Variants in PHACTR3 observed in about 807,000 individuals in gnomAD.
The protein encoded by PHACTR3 is phosphatase and actin regulator 3.
In PHACTR3, 16 loss-of-function variants were observed where a neutral mutation model predicts 66.8. The observed-to-expected ratio is 0.24, with a 90% CI of 0.16 to 0.36. PHACTR3 has a LOEUF of 0.36. Among genes scored for constraint, PHACTR3 ranks in the 10% least tolerant of loss-of-function variants. PHACTR3 has a pLI of 1.00. For synonymous variants in PHACTR3, 323 were observed against 292.1 expected, an observed-to-expected ratio of 1.11 and a Z score of -1.08; for missense variants, 647 against 719.9, an observed-to-expected ratio of 0.90 and a Z score of 1.16.
intron 1 of PHACTR3, among the ~76,000 whole-genome samples, chr20:59,711,121 A>G (rs939483433): frequency 6.6e-6 from 1 of 152,148 alleles, no homozygotes; most frequent in Non-Finnish European, 1.5e-5. Context: ...TAAATATAGC[A>G]TGTGTCTTGA....
intron 1 of PHACTR3, among the ~76,000 whole-genome samples, chr20:59,725,229 TGTGTGCTCA>T (rs1310749165): frequency 0.025 from 3,759 of 151,970 alleles, 174 homozygotes; most frequent in African/African-American, 0.086. Flanking sequence ...CCAGGTGTCC[TGTGTGCTCA>T]GTGAGGTTGT....
intron 1 of PHACTR3, among the ~76,000 whole-genome samples, chr20:59,614,299 C>T (rs1262347655): frequency 6.6e-6 from 1 of 152,252 alleles, no homozygotes; most frequent in Non-Finnish European, 1.5e-5. Context: ...CACACAGAGG[C>T]AGATGTACTC....
chr20:59,592,695 T>C (rs752376226), intron 1 of PHACTR3, among the ~76,000 whole-genome samples: 8 of 152,246 alleles, frequency 5.3e-5, no homozygotes, highest in Non-Finnish European at 1.5e-5. Context: ...ATCTTTTTAT[T>C]GTCTCCATAA....
intron 1 of PHACTR3, among the ~76,000 whole-genome samples, chr20:59,658,565 T>G (rs2035701653): frequency 6.6e-6 from 1 of 152,196 alleles, no homozygotes; most frequent in Non-Finnish European, 1.5e-5. Context: ...GCTGCAGCCT[T>G]GGGAGTGTGC....
intron 1 of PHACTR3, among the ~76,000 whole-genome samples, chr20:59,690,571 A>G (rs1980599): frequency 0.6 from 91,840 of 152,048 alleles, 28,695 homozygotes; most frequent in East Asian, 0.93. Context: ...GGAGACCTTC[A>G]TTTGGTGGGG....
intron 1 of PHACTR3, among the ~76,000 whole-genome samples, chr20:59,677,708 A>G (rs2036499284): frequency 6.6e-6 from 1 of 152,204 alleles, no homozygotes; most frequent in Non-Finnish European, 1.5e-5. Context: ...AGGACAGGAA[A>G]TATGGGAAAT....
rs2042271819 is a variant in PHACTR3, at chr20:59,829,039, C to T, written c.1329-7466C>T. Among the ~76,000 whole-genome samples, 1 of 152,094 alleles carries T rather than the reference C, an allele frequency of 6.6e-6. No homozygotes were observed. Among genetic ancestry groups the T allele is most frequent in the Non-Finnish European group, 1.5e-5 (1 of 67,996 alleles). On this transcript the variant is annotated intron_variant, in intron 8 of 12. Coordinates refer to ENST00000371015, the MANE Select transcript of PHACTR3 (RefSeq NM_080672.5). The surrounding 1 kb of genome is among the most constrained non-coding windows in gnomAD (Gnocchi z 4.2). ...ACGTAGGGAGTAAGAGGAGCCAGTTCTCCCAGGGGTCTGGTGTGTGCCTGG... is the reference window on the plus strand; with the variant it reads ...ACGTAGGGAGTAAGAGGAGCCAGTTTTCCCAGGGGTCTGGTGTGTGCCTGG...
Position 59,635,205 on chromosome 20 carries a change from T to TTTCC in PHACTR3, c.118+30089_118+30092dup, listed in dbSNP as rs1213062659. 6.2e-5 allele frequency among the ~76,000 whole-genome samples: 8 copies of TTTCC among 128,468 alleles called. 1 individual carries two copies. Among genetic ancestry groups the TTTCC allele is most frequent in the Non-Finnish European group, 9.9e-5 (6 of 60,580 alleles). The allele number at this position is 128,468 out of a possible 152,430, so 84.3% of individuals were successfully genotyped here. A position where few individuals can be genotyped will look rare whatever the true frequency, so the allele number is the denominator to read the frequency against. ...TTCTTTCTTTCTTTCTCTTTCTTTC[T>TTTCC]TTCCTTCCTTCCTTCCTTCTTTCTT... On this transcript the variant is annotated intron_variant, in intron 1 of 12. Transcript: ENST00000371015.
chr20:59,781,195 G>A (rs571527135), intron 7 of PHACTR3, among the ~76,000 whole-genome samples: 1 of 152,342 alleles, frequency 6.6e-6, no homozygotes, highest in East Asian at 1.9e-4. Flanking sequence ...ATGTGTTTGT[G>A]TAACTGGCTG....
At chr20:59,675,678 G>C (rs1465302653) in intron 1 of PHACTR3, among the ~76,000 whole-genome samples, 1 of 152,126 alleles carries the variant, frequency 6.6e-6, no homozygotes, top group East Asian at 1.9e-4. Flanking sequence ...GTTATAACTG[G>C]GGTGGAGGGT....
chr20:59,683,446 T>G lies in PHACTR3; in HGVS notation c.119-59661T>G, dbSNP rs563853455. ...CTGACTTAGTCATTTGTCTGCCACC[T>G]GTAGTCTAATTTGCCAAATACTTTC... On this transcript the variant is annotated intron_variant, in intron 1 of 12. Transcript: ENST00000371015. Among the ~76,000 whole-genome samples, 152 of 151,996 alleles carry G rather than the reference T, an allele frequency of 1.0e-3. 1 individual carries two copies. The highest frequency in any genetic ancestry group is 1.6e-3 in the Non-Finnish European group (106 of 68,006).
At chr20:59,754,418 C>T (rs1255108820) in intron 3 of PHACTR3, among the ~76,000 whole-genome samples, 4 of 152,216 alleles carry the variant, frequency 2.6e-5, no homozygotes, top group African/African-American at 4.8e-5. Flanking sequence ...TTCCTGGGCT[C>T]ACGGTGCCAT....
chr20:59,588,517 C>T (rs2033100106), intron 1 of PHACTR3, among the ~76,000 whole-genome samples: 1 of 152,200 alleles, frequency 6.6e-6, no homozygotes, highest in South Asian at 2.1e-4. Flanking sequence ...TGGCTGAAGA[C>T]CCTCCTGGGT....
chr20:59,682,392 T>C (rs1040959892), intron 1 of PHACTR3, among the ~76,000 whole-genome samples: 1 of 152,154 alleles, frequency 6.6e-6, no homozygotes, highest in Admixed American at 6.5e-5. Context: ...GGCCTCTTAA[T>C]GGAACCAAAG....
In PHACTR3 at chr20:59,752,545, G is replaced by A. The variant is rs530486612; in HGVS notation, c.359-2637G>A. Among the ~76,000 whole-genome samples, 7 of 30,828 alleles carry A rather than the reference G, an allele frequency of 2.3e-4. No individual in the cohort carries two copies. The South Asian group carries it at 8.7e-3, about 38-fold the overall frequency. The allele number at this position is 30,828 out of a possible 152,430, so 20.2% of individuals were successfully genotyped here. On this transcript the variant is annotated intron_variant, in intron 3 of 12. Transcript: ENST00000371015. ...ATGATTATGAGCTGGAGCTCTGACC[G>A]CAGCCCAGAGAAGTCCTGCAAGAAG... is the stretch of plus-strand genomic sequence containing the variant.
chr20:59,613,695 T>C (rs985945213), intron 1 of PHACTR3, among the ~76,000 whole-genome samples: 1 of 152,190 alleles, frequency 6.6e-6, no homozygotes, highest in South Asian at 2.1e-4. Flanking sequence ...ACAAAACATG[T>C]CTGGGAGCTG....
intron 1 of PHACTR3, among the ~76,000 whole-genome samples, chr20:59,683,491 T>TA (rs2036739631): frequency 6.6e-6 from 1 of 152,134 alleles, no homozygotes; most frequent in African/African-American, 2.4e-5. Context: ...AGGTCTTTTT[T>TA]TTTTTTTTCA....
At chr20:59,809,363 A>G (rs572057703) in intron 8 of PHACTR3, among the ~76,000 whole-genome samples, 1 of 152,198 alleles carries the variant, frequency 6.6e-6, no homozygotes, top group African/African-American at 2.4e-5. Context: ...TCGTCATCCC[A>G]GGCTTTCATT....
In PHACTR3 at chr20:59,820,442, A is replaced by G. The variant is rs2145417298; in HGVS notation, c.1328+14248A>G. Among the ~76,000 whole-genome samples, 1 of 152,316 alleles carries G rather than the reference A, an allele frequency of 6.6e-6. No homozygotes were observed. Among genetic ancestry groups the G allele is most frequent in the South Asian group, 2.1e-4 (1 of 4,820 alleles). On this transcript the variant is annotated intron_variant, in intron 8 of 12. Coordinates refer to ENST00000371015, the MANE Select transcript of PHACTR3 (RefSeq NM_080672.5). The surrounding 1 kb of genome is among the most constrained non-coding windows in gnomAD (Gnocchi z 4.6). ...TTCTGCTTTTAGATGGAGGTAGCTA[A>G]GCAACAGAACACACAGCTTCCAAAT...
Sources: allele counts gnomAD v4.1 joint callset (sites outside exome capture counted in the v4.1 genomes callset), GRCh38; gene constraint gnomAD v4.1.1; non-coding constraint Gnocchi (gnomAD v3.1); transcripts MANE v1.5; gene names NCBI Gene and HGNC (gene_info 2026-07-23, HGNC 2026-07-21).